Variants in TAFA5 observed in about 807,000 individuals in gnomAD.
The protein encoded by TAFA5 is chemokine-like protein TAFA-5.
TAFA5 carries 6 observed loss-of-function variants against 15.3 expected under a neutral mutation model. The observed-to-expected ratio is 0.39, with a 90% CI of 0.21 to 0.77. The LOEUF (loss-of-function observed/expected upper bound fraction) is 0.77, where lower values mean the gene tolerates loss of function less well. TAFA5 is among the 30% of genes least tolerant of loss of function. TAFA5 has a pLI of 0.41. For missense variants in TAFA5, 161 were observed against 193.1 expected (o/e 0.83, Z 0.98); for synonymous variants, 103 against 80.7 (o/e 1.28, Z -1.48).
intron 1 of TAFA5, among the ~76,000 whole-genome samples, chr22:48,512,657 A>C (rs1473232570): frequency 6.6e-6 from 1 of 151,526 alleles, no homozygotes; most frequent in Non-Finnish European, 1.5e-5. Context: ...GCGGTGGCTC[A>C]TGCCTGTAAT....
At chr22:48,710,525 T>C (rs527793664) in intron 3 of TAFA5, among the ~76,000 whole-genome samples, 78 of 152,154 alleles carry the variant, frequency 5.1e-4, no homozygotes, top group African/African-American at 1.8e-3. Context: ...GCCTCCCGCA[T>C]CCGTCCAGGG....
rs62223631 is a variant in TAFA5 at position 48,529,939 on chromosome 22, C to A, written c.112+40235C>A. The stretch of plus-strand genomic sequence containing the variant: ...TGGGAGTTGGGGCATCTGGGACAAC[C>A]CTTCTCCCTTCACAGGGTGTTGGAC... On this transcript the variant is annotated intron_variant, in intron 1 of 3. Transcript: ENST00000402357. 7.8e-3 allele frequency among the ~76,000 whole-genome samples: 1,184 copies of A among 151,450 alleles called. 8 individuals are homozygous for A. The highest frequency in any genetic ancestry group is 0.016 in the South Asian group (74 of 4,742).
At chr22:48,610,383 G>A (rs1422192571) in intron 1 of TAFA5, among the ~76,000 whole-genome samples, 1 of 152,278 alleles carries the variant, frequency 6.6e-6, no homozygotes, top group Non-Finnish European at 1.5e-5. Context: ...GAAGTCACGA[G>A]GTCCTCGCCT....
chr22:48,533,044 C>T (rs192804208), intron 1 of TAFA5, among the ~76,000 whole-genome samples: 89 of 152,244 alleles, frequency 5.8e-4, no homozygotes, highest in African/African-American at 1.9e-3. Flanking sequence ...TGCCAGGGGA[C>T]GGGGGTTTGC....
intron 2 of TAFA5, among the ~76,000 whole-genome samples, chr22:48,674,440 A>G (rs957964913): frequency 6.6e-6 from 1 of 151,798 alleles, no homozygotes; most frequent in African/African-American, 2.4e-5. Flanking sequence ...TGCCTCTGGA[A>G]CGGGCTTTAT....
intron 1 of TAFA5, among the ~76,000 whole-genome samples, chr22:48,610,453 A>G (rs28631685): frequency 0.29 from 44,320 of 151,904 alleles, 7,083 homozygotes; most frequent in African/African-American, 0.44. Flanking sequence ...AAGCGCCCTC[A>G]GGCACCCAGT....
intron 1 of TAFA5, among the ~76,000 whole-genome samples, chr22:48,604,522 G>C (rs909304291): frequency 3.9e-5 from 6 of 152,346 alleles, no homozygotes; most frequent in Admixed American, 6.5e-5. Context: ...CCCCTGTGGT[G>C]CTACAGGGAG....
intron 2 of TAFA5, among the ~76,000 whole-genome samples, chr22:48,667,501 G>A (rs1256696440): frequency 6.6e-6 from 1 of 152,172 alleles, no homozygotes. Flanking sequence ...GTTAGTGAAC[G>A]TCTTCCACGT....
At chr22:48,577,358 A>C (rs918788357) in intron 1 of TAFA5, among the ~76,000 whole-genome samples, 1 of 152,182 alleles carries the variant, frequency 6.6e-6, no homozygotes, top group Non-Finnish European at 1.5e-5. Flanking sequence ...TTTCAGGGCC[A>C]GGCTCCCTTT....
At chr22:48,746,142 G>A (rs912808555) in intron 3 of TAFA5, among the ~76,000 whole-genome samples, 3 of 151,850 alleles carry the variant, frequency 2.0e-5, no homozygotes, top group African/African-American at 7.3e-5. Context: ...GGTCGCCTCC[G>A]GCCCCTGTCC....
intron 1 of TAFA5, among the ~76,000 whole-genome samples, chr22:48,610,771 TG>T (rs979636420): frequency 2.0e-5 from 3 of 152,144 alleles, no homozygotes; most frequent in Admixed American, 6.5e-5. Context: ...TTCATGAGGA[TG>T]GGGAGGGAAG....
chr22:48,674,646 G>A (rs970982177), intron 2 of TAFA5, among the ~76,000 whole-genome samples: 14 of 151,820 alleles, frequency 9.2e-5, no homozygotes, highest in African/African-American at 1.2e-4. Flanking sequence ...GGAACAACAC[G>A]TCACAAAGGC....
At chr22:48,537,968 A>G (rs1922229135) in intron 1 of TAFA5, among the ~76,000 whole-genome samples, 1 of 152,168 alleles carries the variant, frequency 6.6e-6, no homozygotes, top group Admixed American at 6.5e-5. Context: ...TGGGGATGCC[A>G]TGGATCCAGG....
chr22:48,605,228 A>ATGG (rs1925126161), intron 1 of TAFA5, among the ~76,000 whole-genome samples: 1 of 124,286 alleles, frequency 8.0e-6, no homozygotes, highest in Admixed American at 8.3e-5. Context: ...GGTGATGGTG[A>ATGG]TGGTAATGAT....
At chr22:48,686,581 G>A (rs933678431) in intron 2 of TAFA5, among the ~76,000 whole-genome samples, 3 of 152,348 alleles carry the variant, frequency 2.0e-5, no homozygotes, top group Middle Eastern at 3.4e-3. Context: ...ACCATAGAAC[G>A]TGATGCTCAG....
chr22:48,576,424 G>A (rs1380442308), intron 1 of TAFA5: 2 of 1,278,554 alleles, frequency 1.6e-6, no homozygotes, highest in Non-Finnish European at 2.0e-6. Context: ...GCGCTGATGC[G>A]GCGCCTGGAC....
At chr22:48,546,727 A>T in intron 1 of TAFA5, 1 of 399,228 alleles carries the variant, frequency 2.5e-6, no homozygotes, top group Admixed American at 2.8e-5. Context: ...CTCATGTTCC[A>T]CACTCAAATG....
At chr22:48,605,943 G>C (rs1326514326) in intron 1 of TAFA5, among the ~76,000 whole-genome samples, 4 of 152,184 alleles carry the variant, frequency 2.6e-5, no homozygotes, top group Non-Finnish European at 5.9e-5. Flanking sequence ...GAACAGGGAA[G>C]GGCCTGCCCC....
intron 2 of TAFA5, among the ~76,000 whole-genome samples, chr22:48,682,595 C>G (rs545383000): frequency 6.6e-6 from 1 of 152,262 alleles, no homozygotes; most frequent in Admixed American, 6.5e-5. Context: ...TTGCATATAA[C>G]CCAGAAGCAC....
Sources: gnomAD v4.1 joint callset for allele counts (sites outside exome capture counted in the v4.1 genomes callset) on GRCh38, gnomAD v4.1.1 for gene constraint, MANE v1.5 for transcripts, NCBI Gene and HGNC (gene_info 2026-07-23, HGNC 2026-07-21) for gene names.